KLHDC4: variants seen among roughly 807,000 people sequenced by gnomAD.
KLHDC4 encodes the protein kelch domain containing 4, also known as kelch domain-containing protein 4.
Under a neutral mutation model 62.4 loss-of-function variants are expected in KLHDC4, and 90 were observed. The observed-to-expected ratio is 1.44, with a 90% CI of 1.22 to 1.72. The LOEUF (loss-of-function observed/expected upper bound fraction) is 1.72. KLHDC4 is among the 40% of genes most tolerant of loss of function. The probability of loss-of-function intolerance (pLI) is 0.00; values close to 1 mark genes in which losing one functional copy is unlikely to be tolerated. For synonymous variants in KLHDC4, 386 were observed against 284.4 expected, an observed-to-expected ratio of 1.36 and a Z score of -3.59; for missense variants, 1,025 against 699.7, an observed-to-expected ratio of 1.47 and a Z score of -5.25.
At chr16:87,714,647 G>A (rs1398349255) in intron 7 of KLHDC4, 74 bp from the exon 8 acceptor site, 3 of 1,518,918 alleles carry the variant, frequency 2.0e-6, no homozygotes, top group Middle Eastern at 1.7e-4. Flanking sequence ...AACCCTGTGG[G>A]CGCATTTTGG....
At chr16:87,758,013 T>C (rs1228482980) in intron 2 of KLHDC4, among the ~76,000 whole-genome samples, 4 of 152,188 alleles carry the variant, frequency 2.6e-5, no homozygotes, top group Admixed American at 6.5e-5. Flanking sequence ...TAAGACGGCG[T>C]TCCCCAAGGC....
chr16:87,741,449 G>A (rs12596602), intron 5 of KLHDC4, among the ~76,000 whole-genome samples: 7,771 of 152,210 alleles, frequency 0.051, 270 homozygotes, highest in East Asian at 0.15. Flanking sequence ...CCCTGTTGTG[G>A]GCTGCACACA....
exon 1 of KLHDC4, chr16:87,702,390 G>A (rs1420791015): frequency 4.9e-6 from 2 of 409,618 alleles, no homozygotes; most frequent in African/African-American, 2.1e-5. Flanking sequence ...GCAGGGCAGT[G>A]CCTGGCCCGT....
chr16:87,726,966 G>C (rs1346197410), intron 6 of KLHDC4, 42 bp from the exon 7 acceptor site: 5 of 1,598,674 alleles, frequency 3.1e-6, no homozygotes, highest in Non-Finnish European at 8.6e-7. Flanking sequence ...GTAACATTGG[G>C]AAAAGCCCTG....
chr16:87,708,480 A>G lies in KLHDC4; in HGVS notation c.1448-14T>C. 11 of 1,590,348 alleles carry G rather than the reference A, an allele frequency of 6.9e-6. No individual in the cohort carries two copies. In the Middle Eastern group the frequency reaches 1.5e-3, roughly 218 times the overall value. Reference sequence around the variant, plus strand: ...ACTCCTGAGTTTCTTCAAAAGCAGAATGAACGCACATACACGTCAGCGCAG... The same window carrying G: ...ACTCCTGAGTTTCTTCAAAAGCAGAGTGAACGCACATACACGTCAGCGCAG... On this transcript the variant is annotated splice_polypyrimidine_tract_variant and intron_variant, in intron 10 of 11. Coordinates refer to ENST00000270583, the MANE Select transcript of KLHDC4 (RefSeq NM_017566.4).
chr16:87,712,663 G>T (rs549111544), intron 8 of KLHDC4, among the ~76,000 whole-genome samples: 1 of 152,384 alleles, frequency 6.6e-6, no homozygotes. Context: ...CAGGGCCCTG[G>T]GAGAGGCACC....
rs147360067 is a variant in KLHDC4, at chr16:87,748,724, T to C, written c.455A>G (p.Tyr152Cys). 8 of 1,613,436 alleles carry C rather than the reference T, an allele frequency of 5.0e-6. No homozygotes were observed. The highest frequency in any genetic ancestry group is 2.2e-5 in the East Asian group (1 of 44,842). Residue 152 changes from tyrosine (Y) to cysteine (C), a missense_variant, in exon 5 of 12, where the codon TAC becomes TGC. Transcript: ENST00000270583. Reference protein sequence around the residue: ...ASPNGEQFYHYKDLWVLHLAT... With the variant: ...ASPNGEQFYHCKDLWVLHLAT... ...CAAATGCAGGACCCAGAGATCCTTG[T>C]AGTGGTAGAACTGCTCTCCGTTGGG...
intron 4 of KLHDC4, among the ~76,000 whole-genome samples, chr16:87,754,489 G>A (rs1028860820): frequency 6.6e-6 from 1 of 152,242 alleles, no homozygotes; most frequent in African/African-American, 2.4e-5. Flanking sequence ...TAGCAGGTGA[G>A]TTCTAAGCAC....
chr16:87,725,032 C>T (rs539297584), intron 7 of KLHDC4, among the ~76,000 whole-genome samples: 1 of 152,190 alleles, frequency 6.6e-6, no homozygotes, highest in Non-Finnish European at 1.5e-5. Flanking sequence ...CAGCAATGAA[C>T]AGAAACATGC....
chr16:87,740,904 T>C (rs2042137748), intron 5 of KLHDC4: 1 of 152,148 alleles, frequency 6.6e-6, no homozygotes, highest in South Asian at 2.1e-4. Flanking sequence ...AAAGTCGCAA[T>C]GGGGCAGCTT....
At chr16:87,714,072 G>A (rs1178600691) in intron 8 of KLHDC4, among the ~76,000 whole-genome samples, 2 of 152,058 alleles carry the variant, frequency 1.3e-5, no homozygotes, top group African/African-American at 4.8e-5. Context: ...GCTGCTGCCC[G>A]CAACCACCCC....
intron 8 of KLHDC4, among the ~76,000 whole-genome samples, chr16:87,712,499 C>T (rs940408307): frequency 1.3e-5 from 2 of 152,240 alleles, no homozygotes; most frequent in South Asian, 2.1e-4. Context: ...CTCCTCACCA[C>T]GATGCTTTCC....
intron 6 of KLHDC4, among the ~76,000 whole-genome samples, 185 bp downstream of exon 6, chr16:87,730,367 A>G (rs979130176): frequency 9.2e-5 from 14 of 152,378 alleles, no homozygotes; most frequent in African/African-American, 3.4e-4. Flanking sequence ...ATACAGCATG[A>G]AGCCAGTGTG....
chr16:87,727,952 C>G (rs62055581), intron 6 of KLHDC4, among the ~76,000 whole-genome samples: 17,083 of 152,092 alleles, frequency 0.11, 1,064 homozygotes, highest in African/African-American at 0.15. Context: ...TTGGGAGTCT[C>G]AGGCAGGTAG....
intron 2 of KLHDC4, among the ~76,000 whole-genome samples, chr16:87,758,233 C>T (rs1164208387): frequency 6.6e-6 from 1 of 152,214 alleles, no homozygotes; most frequent in African/African-American, 2.4e-5. Context: ...CGTTCCCAGG[C>T]ATTAGCTCAA....
rs377555025 is a variant in KLHDC4 at position 87,714,353 on chromosome 16, C to T, written c.835+145G>A. The T allele has an allele frequency of 2.8e-5, 28 of 990,148 alleles. No homozygotes were observed. The South Asian group carries it at 4.1e-4, about 15-fold the overall frequency. 61.3% of individuals were successfully genotyped at this position (990,148 alleles called of 1,614,324 possible). ...GGAGCCTGTCCCACCCGGCCCACCC[C>T]GAAATGAGCCATCTCGGCAGGCCCT... On this transcript the variant is annotated intron_variant, in intron 8 of 11. Transcript: ENST00000270583.
chr16:87,747,958 G>C (rs2043287327), intron 5 of KLHDC4, among the ~76,000 whole-genome samples: 1 of 152,222 alleles, frequency 6.6e-6, no homozygotes, highest in Non-Finnish European at 1.5e-5. Flanking sequence ...GAGATGGTGT[G>C]CGTAATGGTG....
intron 8 of KLHDC4, among the ~76,000 whole-genome samples, chr16:87,711,737 AG>A (rs1329686263): frequency 5.3e-5 from 8 of 151,508 alleles, no homozygotes; most frequent in Non-Finnish European, 8.8e-5. Flanking sequence ...GGGCAGAAGC[AG>A]CACACACGCT....
At chr16:87,763,935 G>A (rs2046242628) in intron 1 of KLHDC4, among the ~76,000 whole-genome samples, 1 of 152,204 alleles carries the variant, frequency 6.6e-6, no homozygotes, top group Non-Finnish European at 1.5e-5. Flanking sequence ...GACACAACTT[G>A]CCATGTTTGA....
Sources: allele counts gnomAD v4.1 joint callset (sites outside exome capture counted in the v4.1 genomes callset), GRCh38; gene constraint gnomAD v4.1.1; transcripts MANE v1.5; gene names NCBI Gene and HGNC (gene_info 2026-07-23, HGNC 2026-07-21).